The following HBS1L variants were observed in gnomAD, a reference collection of about 807,000 sequenced individuals.
HBS1L encodes HBS1 like translational GTPase, also known as HBS1-like protein.
In HBS1L, 55 loss-of-function variants were observed where a neutral mutation model predicts 88.9. The ratio of observed to expected loss-of-function variants is 0.62; its 90% confidence interval spans 0.50 to 0.77. The LOEUF is 0.77. Among genes scored for constraint, HBS1L ranks in the 30% least tolerant of loss-of-function variants. The pLI is 0.00. For missense variants in HBS1L, 741 were observed against 829.3 expected (o/e 0.89, Z 1.31); for synonymous variants, 267 against 288.5 (o/e 0.93, Z 0.76).
intron 4 of HBS1L, among the ~76,000 whole-genome samples, chr6:135,032,474 C>T (rs954867693): frequency 6.6e-6 from 1 of 151,944 alleles, no homozygotes; most frequent in African/African-American, 2.4e-5. Flanking sequence ...CTGTCTAGTC[C>T]ACATTTATAT....
intron 13 of HBS1L, among the ~76,000 whole-genome samples, chr6:134,980,923 T>C (rs562177402): frequency 1.3e-5 from 2 of 151,894 alleles, no homozygotes; most frequent in African/African-American, 2.4e-5. Flanking sequence ...AAGGTTAGAA[T>C]GGAGGAAGGA....
At chr6:135,043,440 G>A (rs1776813554) in intron 2 of HBS1L, among the ~76,000 whole-genome samples, 1 of 152,148 alleles carries the variant, frequency 6.6e-6, no homozygotes, top group Admixed American at 6.5e-5. Flanking sequence ...ATCACATTGA[G>A]GGGTAGAGAA....
chr6:134,997,705 G>T, intron 5 of HBS1L, 49 bp from the exon 6 acceptor site: 1 of 1,534,800 alleles, frequency 6.5e-7, no homozygotes, highest in Non-Finnish European at 9.0e-7. Context: ...CTCTATTGAT[G>T]TCCTACAATG....
At chr6:134,966,995 C>T (rs954595775) in intron 16 of HBS1L, among the ~76,000 whole-genome samples, 6 of 152,086 alleles carry the variant, frequency 3.9e-5, no homozygotes, top group Non-Finnish European at 7.4e-5. Flanking sequence ...ATCAATCAAG[C>T]AATCTCTCTC....
Position 134,968,564 on chromosome 6 carries a change from T to C in HBS1L, c.1898+674A>G, listed in dbSNP as rs140757731. On this transcript the variant is annotated intron_variant, in intron 16 of 17. Transcript: ENST00000367837. ...GTGCCTGGCCAAGAAATCTATTTTG[T>C]AACATTCATCTCTAGTCCTGTATTT... Among the ~76,000 whole-genome samples, 3 of 152,166 alleles carry C rather than the reference T, an allele frequency of 2.0e-5. 1 individual carries two copies. The South Asian group carries it at 6.2e-4, about 31-fold the overall frequency.
intron 16 of HBS1L, among the ~76,000 whole-genome samples, chr6:134,967,868 T>A (rs1047516641): frequency 6.6e-6 from 1 of 152,194 alleles, no homozygotes; most frequent in African/African-American, 2.4e-5. Flanking sequence ...CTAAAAATAG[T>A]GGTCCTCAAG....
In HBS1L at chr6:134,997,503, G is replaced by A; in HGVS notation, c.693C>T (p.Thr231=). 1 of 1,614,010 alleles carries A rather than the reference G, an allele frequency of 6.2e-7. No individual in the cohort carries two copies. The highest frequency in any genetic ancestry group is 1.7e-4 in the Middle Eastern group (1 of 6,058). Reference sequence around the variant, plus strand: ...TGCCAGACTTTTTCACCGGTGCTGGGGTTGAACTCTGCTCTTCTGATGCTT... The same window carrying A: ...TGCCAGACTTTTTCACCGGTGCTGGAGTTGAACTCTGCTCTTCTGATGCTT... ...TIQASEEQSS[T]PAPVKKSGKL... The change falls in exon 6 of 18, where the codon ACC becomes ACT. Residue 231 remains threonine (T), a synonymous_variant. Transcript: ENST00000367837.
chr6:135,039,509 A>T, intron 4 of HBS1L, 64 bp downstream of exon 4: 2 of 1,315,410 alleles, frequency 1.5e-6, no homozygotes, highest in Non-Finnish European at 2.1e-6. Flanking sequence ...GCTCAAGCAA[A>T]CGAAAGCCTC....
chr6:135,030,403 G>T (rs1249239031), intron 4 of HBS1L, among the ~76,000 whole-genome samples: 1 of 152,072 alleles, frequency 6.6e-6, no homozygotes, highest in East Asian at 1.9e-4. Context: ...CAGGAGGGAA[G>T]GGGGAGAGAA....
At chr6:134,994,459 A>G (rs987695200) in intron 7 of HBS1L, among the ~76,000 whole-genome samples, 2 of 152,128 alleles carry the variant, frequency 1.3e-5, no homozygotes, top group African/African-American at 4.8e-5. Flanking sequence ...GCCTTTTTTC[A>G]GCCACAAAAA....
At chr6:135,011,997 A>C (rs146416248) in intron 4 of HBS1L, among the ~76,000 whole-genome samples, 255 of 152,202 alleles carry the variant, frequency 1.7e-3, no homozygotes, top group Middle Eastern at 6.8e-3. Context: ...GGCCAGGTCA[A>C]TAAACACAAG....
At position 134,963,343 on chromosome 6, in the gene HBS1L, C is replaced by G. The variant is rs955196380; in HGVS notation, c.*1936G>C. The G allele has an allele frequency of 2.0e-5, 3 of 152,166 alleles. No individual in the cohort carries two copies. Among genetic ancestry groups the G allele is most frequent in the Admixed American group, 6.5e-5 (1 of 15,280 alleles). 9.4% of individuals were successfully genotyped at this position (152,166 alleles called of 1,614,324 possible). A position where few individuals can be genotyped will look rare whatever the true frequency, so the allele number is the denominator to read the frequency against. On this transcript the variant is annotated 3_prime_UTR_variant, in exon 18 of 18. Transcript: ENST00000367837. ...GATATGCTCTTTTAGTCTGTCCTTG[C>G]CCTGGATGGGAGATCTGAGGATGTA...
chr6:135,002,343 TTA>T (rs1775485100), intron 5 of HBS1L, among the ~76,000 whole-genome samples: 1 of 152,200 alleles, frequency 6.6e-6, no homozygotes, highest in Admixed American at 6.5e-5. Context: ...TAAAAATATT[TTA>T]GTTATTAAAA....
rs1435252888 is a variant in HBS1L at position 134,961,725 on chromosome 6, T to TA, written c.*3553dup. ...AACCCTTGCTCACTTGAGCCCTCCT[T>TA]AAAATTAGCTACATGTGCTCAAATT... On this transcript the variant is annotated 3_prime_UTR_variant, in exon 18 of 18. Transcript: ENST00000367837. The TA allele has an allele frequency of 1.3e-5, 2 of 152,182 alleles. No homozygotes were observed. Among genetic ancestry groups the TA allele is most frequent in the Non-Finnish European group, 2.9e-5 (2 of 68,018 alleles). The allele number at this position is 152,182 out of a possible 1,614,324, so 9.4% of individuals were successfully genotyped here.
intron 4 of HBS1L, among the ~76,000 whole-genome samples, chr6:135,025,905 A>G (rs1776212745): frequency 6.6e-6 from 1 of 152,230 alleles, no homozygotes. Context: ...GTAAGCCAGC[A>G]GGGCTCAGGA....
At chr6:135,038,063 G>A in intron 4 of HBS1L, 4 of 1,437,766 alleles carry the variant, frequency 2.8e-6, no homozygotes, top group South Asian at 1.5e-5. Context: ...CAGATGAATA[G>A]GTTGATATAC....
intron 15 of HBS1L, among the ~76,000 whole-genome samples, chr6:134,978,329 A>G (rs1774710540): frequency 6.6e-6 from 1 of 152,020 alleles, no homozygotes. Context: ...GAATGATTCA[A>G]CCTAAAAAAC....
intron 4 of HBS1L, chr6:135,036,725 G>C (rs756196755): frequency 6.4e-7 from 1 of 1,551,030 alleles, no homozygotes; most frequent in South Asian, 1.2e-5. Flanking sequence ...AGGGTGCGTC[G>C]CTTGCAGCTT....
At chr6:134,991,165 T>C (rs1200096032) in intron 8 of HBS1L, among the ~76,000 whole-genome samples, 2 of 135,218 alleles carry the variant, frequency 1.5e-5, no homozygotes, top group East Asian at 4.2e-4. Context: ...TAAGTATCAG[T>C]GAGGGATTGG....
Sources: allele counts gnomAD v4.1 joint callset (sites outside exome capture counted in the v4.1 genomes callset), GRCh38; gene constraint gnomAD v4.1.1; transcripts MANE v1.5; gene names NCBI Gene and HGNC (gene_info 2026-07-23, HGNC 2026-07-21).